Variants in MUC5B observed in about 807,000 individuals in gnomAD.
MUC5B encodes the protein mucin 5B, oligomeric mucus/gel-forming.
Under a neutral mutation model 376.9 loss-of-function variants are expected in MUC5B, and 116 were observed. That is an observed-to-expected ratio of 0.31 (90% CI 0.26 to 0.36). MUC5B has a LOEUF of 0.36. MUC5B is among the 10% of genes least tolerant of loss of function. MUC5B has a pLI of 1.00. For missense variants in MUC5B, 7,165 were observed against 7,769.9 expected, an observed-to-expected ratio of 0.92 and a Z score of 2.93; for synonymous variants, 3,517 against 3,390.9, an observed-to-expected ratio of 1.04 and a Z score of -1.29.
At position 1,225,580 on chromosome 11, in the gene MUC5B, C is replaced by T. The variant is rs371310265; in HGVS notation, c.71-101C>T. On this transcript the variant is annotated intron_variant, in intron 1 of 48. Coordinates refer to ENST00000529681, the MANE Select transcript of MUC5B (RefSeq NM_002458.3). Reference sequence around the variant, plus strand: ...ATGGAGACCGCCACCAAGGACCCCACATGCGGCTGCCGCACCAGGGATGTG... The same window carrying T: ...ATGGAGACCGCCACCAAGGACCCCATATGCGGCTGCCGCACCAGGGATGTG... 8.8e-4 allele frequency: 945 copies of T among 1,078,004 alleles called. 6 individuals carry two copies. Among genetic ancestry groups the T allele is most frequent in the South Asian group, 4.9e-3 (328 of 66,662 alleles). 66.8% of individuals were successfully genotyped at this position (1,078,004 alleles called of 1,614,324 possible).
rs527580834 is a variant in MUC5B, at chr11:1,257,764, G to A, written c.16450+54G>A. The A allele has an allele frequency of 1.3e-5, 19 of 1,495,262 alleles. No individual in the cohort carries two copies. The highest frequency in any genetic ancestry group is 2.3e-4 in the Middle Eastern group (1 of 4,384). The allele number at this position is 1,495,262 out of a possible 1,614,324, so 92.6% of individuals were successfully genotyped here. A position where few individuals can be genotyped will look rare whatever the true frequency, so the allele number is the denominator to read the frequency against. ...GCATAGGGTGAGGGGGGACAGAGCC[G>A]GTGCCCACCAGGGGCCTGTGGGTTG... On this transcript the variant is annotated intron_variant, in intron 41 of 48. Coordinates refer to ENST00000529681, the MANE Select transcript of MUC5B (RefSeq NM_002458.3). This position sits in a 1 kb window ranked among gnomAD's most constrained non-coding sequence, Gnocchi z 8.9.
In MUC5B at chr11:1,243,570, T is replaced by A; in HGVS notation, c.6690T>A (p.Pro2230=). 1 of 1,605,756 alleles carries A rather than the reference T, an allele frequency of 6.2e-7. No homozygotes were observed. The highest frequency in any genetic ancestry group is 1.1e-5 in the South Asian group (1 of 90,582). ...TGGGCACCACCCACATCACAGAGCC[T>A]TCCACGGTGACTTCCCACACCCTAG... ...GILGTTHITE[P]STVTSHTLAA... is the part of the protein sequence containing the mutation. The change falls in exon 31 of 49, where the codon CCT becomes CCA. Residue 2230 remains proline, a synonymous_variant. Transcript: ENST00000529681.
chr11:1,260,550 G>C, intron 47 of MUC5B, 76 bp from the exon 48 acceptor site: 1 of 1,485,572 alleles, frequency 6.7e-7, no homozygotes, highest in South Asian at 1.2e-5. Flanking sequence ...GTCCCATGGG[G>C]AGGGTCGGCC....
chr11:1,259,916 CA>C, intron 45 of MUC5B, 46 bp from the exon 46 acceptor site: 1 of 1,612,486 alleles, frequency 6.2e-7, no homozygotes, highest in Non-Finnish European at 8.5e-7. Flanking sequence ...GGGCTCTGCA[CA>C]AGAGGTAATC....
Position 1,247,524 on chromosome 11 carries a change from C to T in MUC5B, c.10644C>T (p.Thr3548=). 1.2e-6 allele frequency: 2 copies of T among 1,610,444 alleles called. No homozygotes were observed. Among genetic ancestry groups the T allele is most frequent in the Non-Finnish European group, 1.7e-6 (2 of 1,179,054 alleles). The change falls in exon 31 of 49, where the codon ACC becomes ACT. Residue 3548 remains threonine, a synonymous_variant. Transcript: ENST00000529681. ...CAGCCACAGCCACACCCAGCAAGAC[C>T]CGCACCTCGACCCTGCTGCCCAGCA... ...RTTATATPSK[T]RTSTLLPSSP...
In MUC5B at chr11:1,235,194, G is replaced by A; in HGVS notation, c.2740G>A (p.Glu914Lys). 1 of 1,613,054 alleles carries A rather than the reference G, an allele frequency of 6.2e-7. No individual in the cohort carries two copies. The highest frequency in any genetic ancestry group is 8.5e-7 in the Non-Finnish European group (1 of 1,179,648). The change falls in exon 22 of 49, where the codon GAA becomes AAA. Residue 914 changes from glutamate (E) to lysine (K), a missense_variant. This residue lies in a region of MUC5B where 530 missense variants were observed against 604.0 expected (regional missense o/e 0.88). Transcript: ENST00000529681. ...ITFDGDRYSF[E>K]GSCEYILAQD... Reference sequence around the variant, plus strand: ...CTTTGATGGCGATCGCTACAGCTTTGAAGGCAGCTGCGAGTACATCTTGGC... The same window carrying A: ...CTTTGATGGCGATCGCTACAGCTTTAAAGGCAGCTGCGAGTACATCTTGGC...
chr11:1,241,243 C>T lies in MUC5B; in HGVS notation c.4363C>T (p.Pro1455Ser). 1.9e-6 allele frequency: 3 copies of T among 1,592,104 alleles called. No homozygotes were observed. Among genetic ancestry groups the T allele is most frequent in the Non-Finnish European group, 2.6e-6 (3 of 1,169,644 alleles). Residue 1455 changes from proline to serine, a missense_variant, in exon 31 of 49, where the codon CCT (proline) becomes TCT (serine). Pro to Ser is a moderately conservative substitution (Grantham distance 74). Around this residue, in one of 31 missense-constraint regions of MUC5B, gnomAD observed 517 missense variants for 545.3 expected, o/e 0.95. Transcript: ENST00000529681. ...SLSASTEPAV[P>S]TPTQTTATEK... is the part of the protein sequence containing the mutation. ...CAGTGCCAGCACGGAGCCTGCTGTG[C>T]CTACCCCAACCCAGACCACAGCAAC... is the stretch of plus-strand genomic sequence containing the variant.
chr11:1,254,392 C>G (rs547918475), intron 34 of MUC5B, 41 bp downstream of exon 34: 24 of 1,589,986 alleles, frequency 1.5e-5, no homozygotes, highest in South Asian at 7.7e-5. Context: ...GGCCCAGTCC[C>G]AACCGCACCT....
rs376260239 is a variant in MUC5B, at chr11:1,227,027, G to T, written c.462-4G>T. On this transcript the variant is annotated splice_polypyrimidine_tract_variant and splice_region_variant and intron_variant, in intron 4 of 48. Coordinates refer to ENST00000529681, the MANE Select transcript of MUC5B (RefSeq NM_002458.3). ...CCCAGGGAGAGACCCCGCTGTCTGCGCAGGGAGGAGCTGCCTTACAGCCGC... is the reference window on the plus strand; with the variant it reads ...CCCAGGGAGAGACCCCGCTGTCTGCTCAGGGAGGAGCTGCCTTACAGCCGC... 1.3e-5 allele frequency: 21 copies of T among 1,606,412 alleles called. No homozygotes were observed. Among genetic ancestry groups the T allele is most frequent in the Non-Finnish European group, 1.7e-5 (20 of 1,176,370 alleles).
At position 1,234,304 on chromosome 11, in the gene MUC5B, G is replaced by C. The variant is rs1214677588; in HGVS notation, c.2477G>C (p.Cys826Ser). ...AGCTGCCACACGCTGGACGTGGGCTGTGTGAGTTCCATGCTTCAGGGAGGG... is the reference window on the plus strand; with the variant it reads ...AGCTGCCACACGCTGGACGTGGGCTCTGTGAGTTCCATGCTTCAGGGAGGG... ...LRSCHTLDVG[C>S]FSTHCVSGCV... is the part of the protein sequence containing the mutation. The change falls in exon 20 of 49, where the codon TGT becomes TCT. Residue 826 changes from cysteine (C) to serine (S), a missense_variant and splice_region_variant. Around this residue, in one of 31 missense-constraint regions of MUC5B, gnomAD observed 530 missense variants for 604.0 expected, o/e 0.88. Transcript: ENST00000529681. This position sits in a 1 kb window ranked among gnomAD's most constrained non-coding sequence, Gnocchi z 6.3. 2 of 1,594,882 alleles carry C rather than the reference G, an allele frequency of 1.3e-6. No individual in the cohort carries two copies. The highest frequency in any genetic ancestry group is 2.7e-5 in the African/African-American group (2 of 74,758).
rs368530451 is a variant in MUC5B, at chr11:1,243,762, G to A, written c.6882G>A (p.Ser2294=). 2.3e-4 allele frequency: 378 copies of A among 1,611,520 alleles called. 1 individual carries two copies. Among genetic ancestry groups the A allele is most frequent in the Middle Eastern group, 4.5e-4 (2 of 4,456 alleles). ...CCACACCCAGCAAGACCCGCACCTC[G>A]ACCCTGCTGCCCAGCAGCCCCACAT... The part of the protein sequence containing the change: ...ATATPSKTRT[S]TLLPSSPTSA... The change falls in exon 31 of 49, where the codon TCG becomes TCA. Residue 2294 remains serine (S), a synonymous_variant. Transcript: ENST00000529681.
rs760713374 is a variant in MUC5B, at chr11:1,242,146, T to A, written c.5266T>A (p.Ser1756Thr). The A allele has an allele frequency of 3.1e-6, 5 of 1,613,146 alleles. No homozygotes were observed. In the East Asian group the frequency reaches 6.7e-5, roughly 22 times the overall value. ...AACACTCACGAGCGAGCTGTCCACC[T>A]CTCAGGCCGAGACCAGCACGCCCAG... is the stretch of plus-strand genomic sequence containing the variant. ...APTLTSELSTSQAETSTPRTE... is the reference protein window; with the variant it reads ...APTLTSELSTTQAETSTPRTE... Residue 1756 changes from serine (S) to threonine (T), a missense_variant, in exon 31 of 49, where the codon TCT (serine) becomes ACT (threonine). Ser to Thr is a moderately conservative substitution (Grantham distance 58). This residue lies in a region of MUC5B where 897 missense variants were observed against 779.6 expected (regional missense o/e 1.15). Coordinates refer to ENST00000529681, the MANE Select transcript of MUC5B (RefSeq NM_002458.3).
chr11:1,233,571 C>T (rs1035531943), intron 18 of MUC5B, among the ~76,000 whole-genome samples: 22 of 152,218 alleles, frequency 1.4e-4, no homozygotes, highest in South Asian at 2.1e-4. Context: ...CCGCTCCTAA[C>T]CCCAGGGTCC....
chr11:1,233,532 G>A (rs1862082437), intron 18 of MUC5B, among the ~76,000 whole-genome samples: 1 of 152,210 alleles, frequency 6.6e-6, no homozygotes, highest in South Asian at 2.1e-4. Flanking sequence ...AAAGGTGGGT[G>A]GCCCCCACTC....
At chr11:1,233,393 G>T in intron 18 of MUC5B, 125 bp downstream of exon 18, 2 of 1,114,696 alleles carry the variant, frequency 1.8e-6, no homozygotes, top group South Asian at 3.3e-5. Flanking sequence ...GGGGAGAGTG[G>T]GGCAGGGTGG....
Position 1,244,668 on chromosome 11 carries a change from C to T in MUC5B, c.7788C>T (p.Pro2596=), listed in dbSNP as rs781004032. 2.5e-6 allele frequency: 4 copies of T among 1,612,500 alleles called. No individual in the cohort carries two copies. In the Admixed American group the frequency reaches 5.0e-5, roughly 20 times the overall value. ...GGGCCACCGGCTCTGTGGCCACCCCCTCCTCCACCCCAGGAACAGCTCACA... is the reference window on the plus strand; with the variant it reads ...GGGCCACCGGCTCTGTGGCCACCCCTTCCTCCACCCCAGGAACAGCTCACA... ...TTGATGSVAT[P]SSTPGTAHTT... The change falls in exon 31 of 49, where the codon CCC becomes CCT. Residue 2596 remains proline (P), a synonymous_variant. Coordinates refer to ENST00000529681, the MANE Select transcript of MUC5B (RefSeq NM_002458.3).
chr11:1,260,220 A>G (rs1050765624), intron 46 of MUC5B, 131 bp from the exon 47 acceptor site: 11 of 1,247,490 alleles, frequency 8.8e-6, no homozygotes, highest in African/African-American at 6.5e-5. Flanking sequence ...GGGAAGCCCC[A>G]CCCCTGCCTG....
chr11:1,248,360 C>G lies in MUC5B; in HGVS notation c.11480C>G (p.Thr3827Ser), dbSNP rs1428176767. The change falls in exon 31 of 49, where the codon ACT (threonine) becomes AGT (serine). Residue 3827 changes from threonine (T) to serine (S), a missense_variant. By Grantham distance (58) the Thr-to-Ser change is moderately conservative. Around this residue, in one of 31 missense-constraint regions of MUC5B, gnomAD observed 242 missense variants for 199.0 expected, o/e 1.22. Coordinates refer to ENST00000529681, the MANE Select transcript of MUC5B (RefSeq NM_002458.3). ...ATMSTATPSSTPETAHTSTVL... is the reference protein window; with the variant it reads ...ATMSTATPSSSPETAHTSTVL... Reference sequence around the variant, plus strand: ...ATGTCCACAGCCACACCCTCCTCCACTCCAGAGACTGCCCACACCTCCACA... The same window carrying G: ...ATGTCCACAGCCACACCCTCCTCCAGTCCAGAGACTGCCCACACCTCCACA... 5 of 1,612,768 alleles carry G rather than the reference C, an allele frequency of 3.1e-6. No individual in the cohort carries two copies. The highest frequency in any genetic ancestry group is 4.2e-6 in the Non-Finnish European group (5 of 1,179,526).
chr11:1,257,308 T>C lies in MUC5B; in HGVS notation c.16269+37T>C. ...CACCCCCACCTGCCCTACCCCACCCTCTCGCGAGCTGAGGGAGGGAGGGAA... is the reference window on the plus strand; with the variant it reads ...CACCCCCACCTGCCCTACCCCACCCCCTCGCGAGCTGAGGGAGGGAGGGAA... On this transcript the variant is annotated intron_variant, in intron 40 of 48. Transcript: ENST00000529681. This position sits in a 1 kb window ranked among gnomAD's most constrained non-coding sequence, Gnocchi z 8.9. 2.5e-6 allele frequency: 2 copies of C among 787,436 alleles called. No homozygotes were observed. The highest frequency in any genetic ancestry group is 4.7e-6 in the Non-Finnish European group (2 of 425,538). 48.8% of individuals were successfully genotyped at this position (787,436 alleles called of 1,614,324 possible). A position where few individuals can be genotyped will look rare whatever the true frequency, so the allele number is the denominator to read the frequency against.
Sources: gnomAD v4.1 joint callset for allele counts (sites outside exome capture counted in the v4.1 genomes callset) on GRCh38, gnomAD v4.1.1 for gene constraint, gnomAD v4.1.1 regional missense constraint, Gnocchi (gnomAD v3.1) non-coding constraint, MANE v1.5 for transcripts, NCBI Gene and HGNC (gene_info 2026-07-23, HGNC 2026-07-21) for gene names.